Variants in ADAMTS3 observed in about 807,000 individuals in gnomAD.
The protein encoded by ADAMTS3 is ADAM metallopeptidase with thrombospondin type 1 motif 3, also known as A disintegrin and metalloproteinase with thrombospondin motifs 3.
A neutral mutation model predicts 129.0 loss-of-function variants in ADAMTS3; 73 were observed. That is an observed-to-expected ratio of 0.57 (90% CI 0.47 to 0.69). ADAMTS3 has a LOEUF of 0.69. ADAMTS3 is among the 30% of genes least tolerant of loss of function. The pLI is 0.00. For missense variants in ADAMTS3, 1,457 were observed against 1,514.5 expected, an observed-to-expected ratio of 0.96 and a Z score of 0.63; for synonymous variants, 477 against 510.8, an observed-to-expected ratio of 0.93 and a Z score of 0.89.
intron 12 of ADAMTS3, 133 bp downstream of exon 12, chr4:72,313,544 T>A: frequency 1.1e-6 from 1 of 917,148 alleles, no homozygotes; most frequent in South Asian, 1.9e-5. Flanking sequence ...ACAGACTGGT[T>A]TATGAACTGT....
chr4:72,496,447 A>T (rs2110019388), intron 3 of ADAMTS3, among the ~76,000 whole-genome samples: 1 of 152,272 alleles, frequency 6.6e-6, no homozygotes, highest in Non-Finnish European at 1.5e-5. Flanking sequence ...TAAGACTAGC[A>T]TCAGCCTGAT....
At chr4:72,523,083 A>G (rs1720715286) in intron 3 of ADAMTS3, among the ~76,000 whole-genome samples, 1 of 152,084 alleles carries the variant, frequency 6.6e-6, no homozygotes, top group Admixed American at 6.5e-5. Context: ...AGTCTTAGAT[A>G]TTACCCAATA....
intron 3 of ADAMTS3, among the ~76,000 whole-genome samples, chr4:72,546,110 A>C (rs1202778870): frequency 1.3e-5 from 2 of 152,212 alleles, no homozygotes; most frequent in Non-Finnish European, 2.9e-5. Context: ...GGCTGTTTTC[A>C]TTGTAACTTT....
At chr4:72,308,145 T>C (rs1209926269) in intron 15 of ADAMTS3, among the ~76,000 whole-genome samples, 2 of 151,868 alleles carry the variant, frequency 1.3e-5, no homozygotes, top group Admixed American at 1.3e-4. Flanking sequence ...ATGAAGAAAA[T>C]TACATTTGAC....
intron 5 of ADAMTS3, 124 bp downstream of exon 5, chr4:72,339,370 A>C: frequency 1.2e-6 from 1 of 803,916 alleles, no homozygotes; most frequent in Non-Finnish European, 2.0e-6. Flanking sequence ...ATTTAAATTT[A>C]ATGCCATCAT....
At chr4:72,315,062 C>A (rs1719355794) in intron 11 of ADAMTS3, among the ~76,000 whole-genome samples, 1 of 152,136 alleles carries the variant, frequency 6.6e-6, no homozygotes, top group Non-Finnish European at 1.5e-5. Flanking sequence ...AGATTTAAAA[C>A]CTCTGGGCAT....
At chr4:72,518,909 G>A (rs1032545388) in intron 3 of ADAMTS3, among the ~76,000 whole-genome samples, 2 of 152,082 alleles carry the variant, frequency 1.3e-5, no homozygotes, top group African/African-American at 4.8e-5. Flanking sequence ...TTGCTCATTA[G>A]TTGACGCAGT....
intron 5 of ADAMTS3, among the ~76,000 whole-genome samples, chr4:72,323,477 GA>G (rs1437386644): frequency 6.6e-6 from 1 of 152,126 alleles, no homozygotes; most frequent in Non-Finnish European, 1.5e-5. Flanking sequence ...CACAGTAAAG[GA>G]AAACAGCAAG....
At chr4:72,441,770 T>C (rs1292871627) in intron 3 of ADAMTS3, 1 of 149,642 alleles carries the variant, frequency 6.7e-6, no homozygotes, top group Non-Finnish European at 1.5e-5. Flanking sequence ...TGCTACCAGC[T>C]TAAATATTCA....
intron 3 of ADAMTS3, among the ~76,000 whole-genome samples, chr4:72,507,220 G>T (rs183126658): frequency 6.6e-6 from 1 of 152,172 alleles, no homozygotes; most frequent in East Asian, 1.9e-4. Context: ...TCTGTGGCAG[G>T]TCCATTATAT....
At chr4:72,310,938 C>T in intron 14 of ADAMTS3, 110 bp downstream of exon 14, 1 of 1,053,912 alleles carries the variant, frequency 9.5e-7, no homozygotes, top group East Asian at 2.7e-5. Context: ...TAGACACTTA[C>T]TATAATGTGA....
At chr4:72,443,070 G>T (rs1175973415) in intron 3 of ADAMTS3, among the ~76,000 whole-genome samples, 1 of 151,668 alleles carries the variant, frequency 6.6e-6, no homozygotes, top group Non-Finnish European at 1.5e-5. Context: ...ACCTTGCTCA[G>T]TTAATGTGTC....
At chr4:72,487,734 A>G (rs972782825) in intron 3 of ADAMTS3, among the ~76,000 whole-genome samples, 1 of 152,108 alleles carries the variant, frequency 6.6e-6, no homozygotes, top group African/African-American at 2.4e-5. Flanking sequence ...ATATGCTGAC[A>G]AGCACAATAC....
intron 3 of ADAMTS3, among the ~76,000 whole-genome samples, chr4:72,544,091 T>C (rs960169): frequency 0.34 from 50,985 of 151,924 alleles, 9,383 homozygotes; most frequent in South Asian, 0.52. Flanking sequence ...ATCTGTTTAC[T>C]GACACCTATT....
chr4:72,561,758 G>C (rs552831997), intron 2 of ADAMTS3, among the ~76,000 whole-genome samples: 1 of 152,244 alleles, frequency 6.6e-6, no homozygotes, highest in Non-Finnish European at 1.5e-5. Flanking sequence ...GACTATTTTT[G>C]TTTTATCAAT....
chr4:72,522,317 G>C (rs1260189191), intron 3 of ADAMTS3, among the ~76,000 whole-genome samples: 1 of 152,140 alleles, frequency 6.6e-6, no homozygotes, highest in African/African-American at 2.4e-5. Context: ...AGTTTGCAAA[G>C]TCACTAAATA....
At position 72,383,588 on chromosome 4, in the gene ADAMTS3, G is replaced by C. The variant is rs76888747; in HGVS notation, c.661+31227C>G. On this transcript the variant is annotated intron_variant, in intron 4 of 21. Coordinates refer to ENST00000286657, the MANE Select transcript of ADAMTS3 (RefSeq NM_014243.3). Reference sequence around the variant, plus strand: ...CCTCTGGCTGACCCCTGAACTATATGTGTTCGAGGCGGACTCTAAGCAGCC... The same window carrying C: ...CCTCTGGCTGACCCCTGAACTATATCTGTTCGAGGCGGACTCTAAGCAGCC... 8.4e-4 allele frequency among the ~76,000 whole-genome samples: 128 copies of C among 152,260 alleles called. 2 individuals carry two copies. The East Asian group carries it at 0.022, about 26-fold the overall frequency.
At chr4:72,464,378 G>A (rs911286525) in intron 3 of ADAMTS3, among the ~76,000 whole-genome samples, 12 of 151,976 alleles carry the variant, frequency 7.9e-5, no homozygotes, top group Non-Finnish European at 1.5e-4. Flanking sequence ...TAAACTTAGT[G>A]TGGGAATGTC....
At chr4:72,421,061 C>G (rs1204341960) in intron 3 of ADAMTS3, among the ~76,000 whole-genome samples, 5 of 152,154 alleles carry the variant, frequency 3.3e-5, no homozygotes, top group African/African-American at 4.8e-5. Flanking sequence ...ATAGAGAATC[C>G]TAGGAAATGT....
Sources: gnomAD v4.1 joint callset for allele counts (sites outside exome capture counted in the v4.1 genomes callset) on GRCh38, gnomAD v4.1.1 for gene constraint, MANE v1.5 for transcripts, NCBI Gene and HGNC (gene_info 2026-07-23, HGNC 2026-07-21) for gene names.